The following GRIA4 variants were observed in gnomAD, a reference collection of about 807,000 sequenced individuals.
GRIA4 encodes the protein glutamate receptor 4.
GRIA4 carries 34 observed loss-of-function variants against 104.0 expected under a neutral mutation model. The ratio of observed to expected loss-of-function variants is 0.33; its 90% confidence interval spans 0.25 to 0.44. The LOEUF (loss-of-function observed/expected upper bound fraction) is 0.44, where lower values mean the gene tolerates loss of function less well. Ranked by LOEUF, GRIA4 falls within the 20% of genes least tolerant of loss-of-function variation. The pLI is 1.00. For missense variants in GRIA4, 750 were observed against 1,096.5 expected (o/e 0.68, Z 4.46); for synonymous variants, 386 against 381.9 (o/e 1.01, Z -0.13).
intron 3 of GRIA4, among the ~76,000 whole-genome samples, chr11:105,735,363 ATAC>A (rs1191382575): frequency 6.6e-6 from 1 of 152,172 alleles, no homozygotes; most frequent in African/African-American, 2.4e-5. Context: ...AAATATGTAA[ATAC>A]TACTGATTAA....
At chr11:105,670,543 C>T (rs1952326311) in intron 3 of GRIA4, among the ~76,000 whole-genome samples, 1 of 152,100 alleles carries the variant, frequency 6.6e-6, no homozygotes, top group African/African-American at 2.4e-5. Context: ...TCAGCAGTTA[C>T]AAGTGCATGC....
intron 9 of GRIA4, among the ~76,000 whole-genome samples, chr11:105,906,836 A>G (rs538181267): frequency 6.6e-6 from 1 of 152,314 alleles, no homozygotes; most frequent in South Asian, 2.1e-4. Flanking sequence ...AAAAGAGGCA[A>G]GTTTTCATTA....
At chr11:105,896,513 G>A (rs1456756726) in intron 6 of GRIA4, among the ~76,000 whole-genome samples, 1 of 152,026 alleles carries the variant, frequency 6.6e-6, no homozygotes, top group African/African-American at 2.4e-5. Context: ...CCAATATCCA[G>A]AAGAGTTTTT....
chr11:105,804,011 A>C (rs553754603), intron 4 of GRIA4, among the ~76,000 whole-genome samples: 2 of 152,070 alleles, frequency 1.3e-5, no homozygotes, highest in African/African-American at 4.8e-5. Context: ...ATTTGGGCAT[A>C]GAAAATTAAC....
intron 9 of GRIA4, among the ~76,000 whole-genome samples, chr11:105,909,522 T>G (rs564046522): frequency 1.2e-4 from 19 of 152,176 alleles, no homozygotes; most frequent in Non-Finnish European, 2.1e-4. Flanking sequence ...GTGTAATTTA[T>G]TTAGCCTTCT....
At chr11:105,684,546 CAT>C (rs72399419) in intron 3 of GRIA4, among the ~76,000 whole-genome samples, 65,558 of 144,840 alleles carry the variant, frequency 0.45, 15,494 homozygotes, top group Admixed American at 0.57. Flanking sequence ...TATATATATA[CAT>C]ATATATATAT....
chr11:105,880,233 A>C (rs570663648), intron 5 of GRIA4, among the ~76,000 whole-genome samples: 3 of 152,358 alleles, frequency 2.0e-5, no homozygotes, highest in South Asian at 4.1e-4. Context: ...ATGTTATTAA[A>C]TCAAAATGGA....
At chr11:105,813,202 A>T (rs1455623014) in intron 4 of GRIA4, among the ~76,000 whole-genome samples, 1 of 152,024 alleles carries the variant, frequency 6.6e-6, no homozygotes, top group African/African-American at 2.4e-5. Context: ...GGAGTGAGAC[A>T]TGCCATTTTT....
intron 1 of GRIA4, 156 bp from the exon 2 acceptor site, chr11:105,610,752 A>T: frequency 2.2e-6 from 1 of 458,974 alleles, no homozygotes; most frequent in South Asian, 2.9e-5. Context: ...AACCTCTCCC[A>T]GGGCTATGGA....
chr11:105,688,193 T>TCTATCTATCTAG (rs1442728976), intron 3 of GRIA4, among the ~76,000 whole-genome samples: 7 of 151,808 alleles, frequency 4.6e-5, no homozygotes, highest in Non-Finnish European at 8.8e-5. Flanking sequence ...TATCTATTTA[T>TCTATCTATCTAG]CTATATGCTA....
intron 14 of GRIA4, among the ~76,000 whole-genome samples, chr11:105,954,911 TA>T (rs68098489): frequency 0.7 from 94,763 of 135,898 alleles, 30,442 homozygotes; most frequent in Middle Eastern, 0.74. Context: ...GCTTTCAATT[TA>T]TATATATATA....
At chr11:105,776,093 T>C (rs1203593463) in intron 4 of GRIA4, among the ~76,000 whole-genome samples, 1 of 152,094 alleles carries the variant, frequency 6.6e-6, no homozygotes, top group Non-Finnish European at 1.5e-5. Flanking sequence ...AATTTTATTA[T>C]AAAATTATTT....
chr11:105,860,436 T>C (rs1945177556), intron 4 of GRIA4, among the ~76,000 whole-genome samples: 1 of 152,158 alleles, frequency 6.6e-6, no homozygotes, highest in African/African-American at 2.4e-5. Flanking sequence ...CACCCAGCTC[T>C]CTACCCAATT....
intron 3 of GRIA4, among the ~76,000 whole-genome samples, chr11:105,727,188 A>T (rs56236586): frequency 0.034 from 5,186 of 152,026 alleles, 198 homozygotes; most frequent in African/African-American, 0.09. Context: ...AGAGAAGAAG[A>T]TAAATGACCT....
chr11:105,780,500 G>T (rs969130985), intron 4 of GRIA4, among the ~76,000 whole-genome samples: 2 of 152,048 alleles, frequency 1.3e-5, no homozygotes, highest in Admixed American at 6.6e-5. Flanking sequence ...TACTTTAAAT[G>T]TTGCCCATAA....
At chr11:105,662,327 C>T (rs1424399790) in intron 3 of GRIA4, among the ~76,000 whole-genome samples, 1 of 151,808 alleles carries the variant, frequency 6.6e-6, no homozygotes, top group Non-Finnish European at 1.5e-5. Flanking sequence ...AAACCTAGGT[C>T]TGCCTGTTTC....
intron 4 of GRIA4, among the ~76,000 whole-genome samples, chr11:105,858,967 A>C (rs1565293714): frequency 6.6e-6 from 1 of 152,220 alleles, no homozygotes; most frequent in Non-Finnish European, 1.5e-5. Context: ...CATGATATTC[A>C]TCTAAAACTG....
At chr11:105,662,062 G>T (rs533613140) in intron 3 of GRIA4, among the ~76,000 whole-genome samples, 1 of 151,368 alleles carries the variant, frequency 6.6e-6, no homozygotes, top group South Asian at 2.1e-4. Context: ...AAACTCAACA[G>T]AAGTTGGCAC....
chr11:105,979,901 G>A lies in GRIA4; in HGVS notation c.*162G>A, dbSNP rs1859190156. On this transcript the variant is annotated 3_prime_UTR_variant, in exon 17 of 17. Transcript: ENST00000282499. ...GGCCGGACATCAGCAGCAGCAACGT[G>A]TGCATGAGCTCAGCTCGGAAACCCA... is the stretch of plus-strand genomic sequence containing the variant. The A allele has an allele frequency of 7.6e-6, 4 of 527,070 alleles. No homozygotes were observed. The highest frequency in any genetic ancestry group is 1.4e-5 in the Non-Finnish European group (4 of 293,672). 32.6% of individuals were successfully genotyped at this position (527,070 alleles called of 1,614,324 possible).
Sources: gnomAD v4.1 joint callset for allele counts (sites outside exome capture counted in the v4.1 genomes callset) on GRCh38, gnomAD v4.1.1 for gene constraint, MANE v1.5 for transcripts, NCBI Gene and HGNC (gene_info 2026-07-23, HGNC 2026-07-21) for gene names.